The following ADAMTSL3 variants were observed in gnomAD, a reference collection of about 807,000 sequenced individuals.
ADAMTSL3 encodes the protein ADAMTS-like protein 3.
A neutral mutation model predicts 201.7 loss-of-function variants in ADAMTSL3; 128 were observed. The ratio of observed to expected loss-of-function variants is 0.63; its 90% CI spans 0.55 to 0.73. The LOEUF (loss-of-function observed/expected upper bound fraction) is 0.73, where lower values mean the gene tolerates loss of function less well. Among genes scored for constraint, ADAMTSL3 ranks in the 30% least tolerant of loss-of-function variants. The probability of loss-of-function intolerance (pLI) is 0.00; values close to 1 mark genes in which losing one functional copy is unlikely to be tolerated. For missense variants in ADAMTSL3, 1,990 were observed against 2,119.6 expected, an observed-to-expected ratio of 0.94 and a Z score of 1.20; for synonymous variants, 738 against 748.4, an observed-to-expected ratio of 0.99 and a Z score of 0.23.
In ADAMTSL3 at chr15:83,988,810, T is replaced by A. The variant is rs1437460015; in HGVS notation, c.3836T>A (p.Leu1279Gln). 1 of 1,549,722 alleles carries A rather than the reference T, an allele frequency of 6.5e-7. No individual in the cohort carries two copies. Among genetic ancestry groups the A allele is most frequent in the Non-Finnish European group, 8.7e-7 (1 of 1,143,224 alleles). Residue 1279 changes from leucine (L) to glutamine (Q), a missense_variant, in exon 22 of 30, where the codon CTG becomes CAG. Physicochemically the swap from Leu to Gln is moderately radical, Grantham distance 113. Coordinates refer to ENST00000286744, the MANE Select transcript of ADAMTSL3 (RefSeq NM_207517.3). ...LGSDVESSSV[L>Q]YAEAPVILSV... ...TCAGATGTGGAAAGTTCTTCTGTGC[T>A]GTATGCAGGTAATGCCCACTGTTGA... is the stretch of plus-strand genomic sequence containing the variant.
chr15:83,701,682 A>G (rs1013618970), intron 2 of ADAMTSL3, among the ~76,000 whole-genome samples: 2 of 152,178 alleles, frequency 1.3e-5, no homozygotes, highest in Non-Finnish European at 2.9e-5. Flanking sequence ...TTCTCTTGCC[A>G]CCATCATGTA....
intron 23 of ADAMTSL3, among the ~76,000 whole-genome samples, chr15:83,992,659 G>T (rs1340132278): frequency 6.6e-6 from 1 of 152,188 alleles, no homozygotes; most frequent in African/African-American, 2.4e-5. Context: ...TGAAAATCAG[G>T]CTTTCAGGGA....
At chr15:83,814,514 G>A (rs1041590458) in intron 5 of ADAMTSL3, among the ~76,000 whole-genome samples, 9 of 152,114 alleles carry the variant, frequency 5.9e-5, no homozygotes, top group South Asian at 2.1e-4. Context: ...TTGTTACGTC[G>A]TTTCCCGAAT....
intron 19 of ADAMTSL3, among the ~76,000 whole-genome samples, chr15:83,953,910 T>C (rs1338873339): frequency 6.6e-6 from 1 of 152,240 alleles, no homozygotes; most frequent in Non-Finnish European, 1.5e-5. Flanking sequence ...TCCAGACTTA[T>C]TAGAACCCCA....
chr15:83,858,161 C>T (rs919103690), intron 7 of ADAMTSL3, among the ~76,000 whole-genome samples: 5 of 152,110 alleles, frequency 3.3e-5, no homozygotes, highest in African/African-American at 1.2e-4. Flanking sequence ...CATAAACAGC[C>T]TTAAATGAAT....
chr15:83,943,223 C>A, intron 19 of ADAMTSL3, 141 bp downstream of exon 19: 1 of 957,382 alleles, frequency 1.0e-6, no homozygotes, highest in Non-Finnish European at 1.5e-6. Context: ...GAGGTGCTCA[C>A]TCACTCTCGG....
intron 4 of ADAMTSL3, among the ~76,000 whole-genome samples, chr15:83,790,201 CAGAAG>C (rs2063323220): frequency 2.0e-5 from 3 of 148,042 alleles, no homozygotes; most frequent in Non-Finnish European, 4.5e-5. Flanking sequence ...TTCCAGAAAA[CAGAAG>C]AGAAGGAATA....
At chr15:84,024,647 C>T (rs960230307) in intron 26 of ADAMTSL3, among the ~76,000 whole-genome samples, 14 of 152,192 alleles carry the variant, frequency 9.2e-5, no homozygotes, top group African/African-American at 3.4e-4. Flanking sequence ...CTCAATATCT[C>T]AAAGGTGTCC....
chr15:83,793,301 T>C (rs2063371474), intron 4 of ADAMTSL3, among the ~76,000 whole-genome samples: 1 of 152,180 alleles, frequency 6.6e-6, no homozygotes, highest in Non-Finnish European at 1.5e-5. Context: ...TATATTGTAT[T>C]ATTGAAAATT....
intron 8 of ADAMTSL3, among the ~76,000 whole-genome samples, chr15:83,863,776 G>T (rs2064916767): frequency 6.6e-6 from 1 of 152,124 alleles, no homozygotes; most frequent in Admixed American, 6.5e-5. Context: ...GAGCAGAACT[G>T]AAGGAAATAG....
intron 5 of ADAMTSL3, among the ~76,000 whole-genome samples, chr15:83,811,955 C>T (rs999860662): frequency 1.3e-5 from 2 of 152,132 alleles, no homozygotes; most frequent in African/African-American, 4.8e-5. Flanking sequence ...TGTTGCAAAC[C>T]AGAGGTGCAT....
At chr15:83,836,523 C>G (rs1368197078) in intron 6 of ADAMTSL3, among the ~76,000 whole-genome samples, 1 of 152,156 alleles carries the variant, frequency 6.6e-6, no homozygotes, top group Non-Finnish European at 1.5e-5. Flanking sequence ...TCAACTTCCT[C>G]TAGTTTCATT....
rs183692823 is a variant in ADAMTSL3, at chr15:83,874,410, C to A, written c.960+3451C>A. Among the ~76,000 whole-genome samples, 227 of 144,772 alleles carry A rather than the reference C, an allele frequency of 1.6e-3. 34 individuals are homozygous for A. The highest frequency in any genetic ancestry group is 5.7e-3 in the African/African-American group (217 of 37,756). The allele number at this position is 144,772 out of a possible 152,430, so 95.0% of individuals were successfully genotyped here. ...CACAGGTTGAGTCTCCCCGGAGTCT[C>A]CTTCAGTTCCTGAGTGGTAATGGAA... On this transcript the variant is annotated intron_variant, in intron 9 of 29. Transcript: ENST00000286744.
chr15:83,900,064 C>T (rs1284239832), intron 15 of ADAMTSL3, among the ~76,000 whole-genome samples: 1 of 152,136 alleles, frequency 6.6e-6, no homozygotes, highest in Non-Finnish European at 1.5e-5. Flanking sequence ...ACAAATAAAC[C>T]AGTCATTCCA....
chr15:83,773,627 T>G lies in ADAMTSL3; in HGVS notation c.294T>G (p.Ser98=). 1.2e-6 allele frequency: 2 copies of G among 1,609,310 alleles called. No individual in the cohort carries two copies. Among genetic ancestry groups the G allele is most frequent in the Non-Finnish European group, 1.7e-6 (2 of 1,178,812 alleles). Residue 98 remains serine, a synonymous_variant, in exon 4 of 30, where the codon TCT becomes TCG. Coordinates refer to ENST00000286744, the MANE Select transcript of ADAMTSL3 (RefSeq NM_207517.3). The part of the protein sequence containing the change: ...SRTCGGGASY[S]LRRCLTGRNC... ...CCTGTGGGGGAGGAGCATCATATTC[T>G]CTGCGGAGATGTTTGACTGGAAGGT...
rs567752809 is a variant in ADAMTSL3 at position 84,036,963 on chromosome 15, C to T, written c.4945C>T (p.His1649Tyr). Residue 1649 changes from histidine (H) to tyrosine (Y), a missense_variant, in exon 29 of 30, where the codon CAC (histidine) becomes TAC (tyrosine). Transcript: ENST00000286744. ...GAAAAAGAAACCAATTTCCTGGCGG[C>T]ACTGTCTTGGGCCCTCCTGTGATAG... ...VQKKKPISWR[H>Y]CLGPSCDRDC... The T allele has an allele frequency of 6.2e-7, 1 of 1,614,084 alleles. No homozygotes were observed. The highest frequency in any genetic ancestry group is 1.7e-5 in the Admixed American group (1 of 59,998).
intron 13 of ADAMTSL3, among the ~76,000 whole-genome samples, chr15:83,896,608 GA>G (rs2065620195): frequency 6.6e-6 from 1 of 152,026 alleles, no homozygotes; most frequent in Non-Finnish European, 1.5e-5. Context: ...ATCATAGGGG[GA>G]AAAAGGGGTG....
At chr15:83,780,798 T>C (rs144176553) in intron 4 of ADAMTSL3, among the ~76,000 whole-genome samples, 16 of 152,316 alleles carry the variant, frequency 1.1e-4, no homozygotes, top group African/African-American at 3.6e-4. Context: ...ATCATTAACA[T>C]TCTTATACAC....
chr15:83,764,685 C>G (rs962959790), intron 3 of ADAMTSL3, among the ~76,000 whole-genome samples: 6 of 152,056 alleles, frequency 3.9e-5, no homozygotes, highest in Non-Finnish European at 5.9e-5. Flanking sequence ...TCGTCAAATC[C>G]ACAGAATCTG....
Sources: allele counts gnomAD v4.1 joint callset (sites outside exome capture counted in the v4.1 genomes callset), GRCh38; gene constraint gnomAD v4.1.1; transcripts MANE v1.5; gene names NCBI Gene and HGNC (gene_info 2026-07-23, HGNC 2026-07-21).